Variants in SLC4A10 observed in about 807,000 individuals in gnomAD.
The protein encoded by SLC4A10 is solute carrier family 4 member 10.
Under a neutral mutation model 137.7 loss-of-function variants are expected in SLC4A10, and 42 were observed. That is an observed-to-expected ratio of 0.30 (90% confidence interval 0.24 to 0.39). SLC4A10 has a LOEUF of 0.39. Ranked by LOEUF, SLC4A10 falls within the 10% of genes least tolerant of loss-of-function variation. SLC4A10 has a pLI of 1.00. For synonymous variants in SLC4A10, 474 were observed against 464.1 expected (o/e 1.02, Z -0.27); for missense variants, 925 against 1,355.0 (o/e 0.68, Z 4.98).
chr2:161,771,644 C>T (rs1162621650), intron 2 of SLC4A10, among the ~76,000 whole-genome samples: 1 of 151,742 alleles, frequency 6.6e-6, no homozygotes, highest in Non-Finnish European at 1.5e-5. Flanking sequence ...GGGTCCTGAA[C>T]TATTAAAGCA....
At chr2:161,700,236 AGAGTTTTT>A (rs2042983217) in intron 1 of SLC4A10, among the ~76,000 whole-genome samples, 1 of 152,180 alleles carries the variant, frequency 6.6e-6, no homozygotes, top group Non-Finnish European at 1.5e-5. Context: ...AAACCTATAG[AGAGTTTTT>A]GACTAGCTAA....
intron 2 of SLC4A10, among the ~76,000 whole-genome samples, chr2:161,789,245 G>A (rs1472688093): frequency 6.6e-6 from 1 of 152,198 alleles, no homozygotes; most frequent in East Asian, 1.9e-4. Flanking sequence ...GGGCAGAGGG[G>A]TTCTCTGACA....
chr2:161,792,845 G>A (rs1300908384), intron 2 of SLC4A10, among the ~76,000 whole-genome samples: 1 of 152,086 alleles, frequency 6.6e-6, no homozygotes, highest in Non-Finnish European at 1.5e-5. Flanking sequence ...TAGGGTGCTT[G>A]AGTTCTAGAA....
At chr2:161,880,666 G>A (rs2061710044) in intron 9 of SLC4A10, among the ~76,000 whole-genome samples, 1 of 152,026 alleles carries the variant, frequency 6.6e-6, no homozygotes, top group Non-Finnish European at 1.5e-5. Flanking sequence ...TGTTTTCTAT[G>A]GACAACCTGT....
chr2:161,777,671 C>T (rs1051638788), intron 2 of SLC4A10, among the ~76,000 whole-genome samples: 1 of 151,898 alleles, frequency 6.6e-6, no homozygotes, highest in Non-Finnish European at 1.5e-5. Context: ...TTTTTAAAAC[C>T]ATCAGATCTC....
chr2:161,889,791 G>A (rs1389942999), intron 10 of SLC4A10, among the ~76,000 whole-genome samples: 2 of 151,946 alleles, frequency 1.3e-5, no homozygotes, highest in African/African-American at 4.8e-5. Context: ...GTCTCCTTTA[G>A]CTCTGCTCTG....
chr2:161,905,905 T>C lies in SLC4A10; in HGVS notation c.1997+18T>C. The C allele has an allele frequency of 6.3e-7, 1 of 1,574,814 alleles. No individual in the cohort carries two copies. Among genetic ancestry groups the C allele is most frequent in the Non-Finnish European group, 8.6e-7 (1 of 1,161,200 alleles). ...CAATACTCGTAAGTACCATTTCCCC[T>C]GCTGGCCTTGGGGCTTTTCTTTTGA... On this transcript the variant is annotated intron_variant, in intron 15 of 26. Coordinates refer to ENST00000446997, the MANE Select transcript of SLC4A10 (RefSeq NM_001178015.2).
At chr2:161,777,493 A>G (rs549607504) in intron 2 of SLC4A10, among the ~76,000 whole-genome samples, 14 of 152,128 alleles carry the variant, frequency 9.2e-5, no homozygotes, top group Middle Eastern at 3.4e-3. Context: ...GCTGCTGATA[A>G]AAACATACCC....
rs562385283 is a variant in SLC4A10, at chr2:161,707,176, T to C, written c.49-63797T>C. On this transcript the variant is annotated intron_variant, in intron 1 of 26. Transcript: ENST00000446997. ...ACATGTGATTTTTCATTCAGATGTGTTATAGTATACATACAGCAGAATACC... is the reference window on the plus strand; with the variant it reads ...ACATGTGATTTTTCATTCAGATGTGCTATAGTATACATACAGCAGAATACC... Among the ~76,000 whole-genome samples, 184 of 151,602 alleles carry C rather than the reference T, an allele frequency of 1.2e-3. 1 individual carries two copies. The highest frequency in any genetic ancestry group is 4.2e-3 in the African/African-American group (176 of 41,482).
intron 3 of SLC4A10, among the ~76,000 whole-genome samples, chr2:161,826,504 T>C (rs916714913): frequency 6.6e-6 from 1 of 152,168 alleles, no homozygotes; most frequent in African/African-American, 2.4e-5. Context: ...GTCCAGAAAG[T>C]GTCTAAAAAA....
chr2:161,638,860 T>C (rs1328640425), intron 1 of SLC4A10, among the ~76,000 whole-genome samples: 1 of 75,742 alleles, frequency 1.3e-5, no homozygotes, highest in African/African-American at 4.3e-5. Context: ...TTTATAGGTA[T>C]TTCTTTTTTT....
At chr2:161,787,110 T>C (rs2053714158) in intron 2 of SLC4A10, among the ~76,000 whole-genome samples, 1 of 152,114 alleles carries the variant, frequency 6.6e-6, no homozygotes, top group Non-Finnish European at 1.5e-5. Context: ...ATAGCACCAG[T>C]CTCATGGTGA....
chr2:161,710,121 T>A (rs2044119391), intron 1 of SLC4A10, among the ~76,000 whole-genome samples: 1 of 151,726 alleles, frequency 6.6e-6, no homozygotes, highest in Non-Finnish European at 1.5e-5. Flanking sequence ...TGATATTGAC[T>A]ATAATTTATA....
At chr2:161,631,884 T>G (rs1324881386) in intron 1 of SLC4A10, among the ~76,000 whole-genome samples, 1 of 151,700 alleles carries the variant, frequency 6.6e-6, no homozygotes. Context: ...GAGGATGTAT[T>G]ATAGCCAAAG....
intron 3 of SLC4A10, among the ~76,000 whole-genome samples, chr2:161,833,558 A>G (rs1473301031): frequency 6.6e-6 from 1 of 152,232 alleles, no homozygotes; most frequent in Non-Finnish European, 1.5e-5. Flanking sequence ...GAACCAGGCA[A>G]GAACTTAATA....
intron 21 of SLC4A10, among the ~76,000 whole-genome samples, chr2:161,962,853 A>G (rs1696959714): frequency 1.3e-5 from 2 of 152,168 alleles, no homozygotes; most frequent in Admixed American, 1.3e-4. Flanking sequence ...TTTTGACTCT[A>G]ACATTTTGAC....
chr2:161,640,489 A>C (rs1026107431), intron 1 of SLC4A10, among the ~76,000 whole-genome samples: 2 of 152,152 alleles, frequency 1.3e-5, no homozygotes, highest in African/African-American at 4.8e-5. Flanking sequence ...TATTTAACAA[A>C]CTTTGTCAAT....
At chr2:161,718,256 G>A (rs571569600) in intron 1 of SLC4A10, among the ~76,000 whole-genome samples, 64 of 151,866 alleles carry the variant, frequency 4.2e-4, no homozygotes, top group African/African-American at 1.5e-3. Context: ...TCCTGGATTC[G>A]TTGATTTTTT....
chr2:161,886,800 T>G (rs528211438), intron 10 of SLC4A10, among the ~76,000 whole-genome samples: 2 of 152,298 alleles, frequency 1.3e-5, no homozygotes, highest in South Asian at 4.1e-4. Context: ...TTGTTTGATT[T>G]TTTTTGTATA....
Sources: gnomAD v4.1 joint callset for allele counts (sites outside exome capture counted in the v4.1 genomes callset) on GRCh38, gnomAD v4.1.1 for gene constraint, MANE v1.5 for transcripts, NCBI Gene and HGNC (gene_info 2026-07-23, HGNC 2026-07-21) for gene names.